The following ATP8B4 variants were observed in gnomAD, a reference collection of about 807,000 sequenced individuals.
ATP8B4 encodes ATPase phospholipid transporting 8B4 (putative).
In ATP8B4, 133 loss-of-function variants were observed where a neutral mutation model predicts 145.6. That is an observed-to-expected ratio of 0.91 (90% CI 0.79 to 1.05). The LOEUF is 1.05. Among genes scored for constraint, ATP8B4 ranks in the 50% least tolerant of loss-of-function variants. The pLI, the probability that ATP8B4 is intolerant of heterozygous loss-of-function variation, is 0.00. For synonymous variants in ATP8B4, 507 were observed against 492.9 expected, an observed-to-expected ratio of 1.03 and a Z score of -0.38; for missense variants, 1,458 against 1,425.2, an observed-to-expected ratio of 1.02 and a Z score of -0.37.
intron 6 of ATP8B4, among the ~76,000 whole-genome samples, chr15:50,013,481 T>C (rs1233266565): frequency 6.6e-6 from 1 of 152,158 alleles, no homozygotes; most frequent in African/African-American, 2.4e-5. Context: ...TTTTAAAATG[T>C]GGCTCAATTT....
chr15:49,919,319 G>A (rs901738034), intron 18 of ATP8B4, among the ~76,000 whole-genome samples: 1 of 152,166 alleles, frequency 6.6e-6, no homozygotes, highest in African/African-American at 2.4e-5. Flanking sequence ...CCCATAGTCA[G>A]GAAGCTGATC....
At chr15:49,979,894 C>T (rs2046006209) in intron 11 of ATP8B4, 81 bp from the exon 12 acceptor site, 10 of 971,948 alleles carry the variant, frequency 1.0e-5, no homozygotes, top group Non-Finnish European at 1.3e-5. Flanking sequence ...ACGCATCTAA[C>T]TCCAAGAAAT....
intron 12 of ATP8B4, among the ~76,000 whole-genome samples, chr15:49,975,861 C>T (rs928765827): frequency 5.9e-5 from 9 of 151,986 alleles, no homozygotes; most frequent in African/African-American, 1.4e-4. Context: ...TTCAGTTTCA[C>T]GTCTTTGTAA....
At chr15:50,113,699 C>T (rs535550550) in intron 1 of ATP8B4, among the ~76,000 whole-genome samples, 79 of 151,866 alleles carry the variant, frequency 5.2e-4, no homozygotes, top group African/African-American at 9.2e-4. Flanking sequence ...ATTAGCTGGG[C>T]GTGGTGGCAC....
chr15:49,908,118 C>T (rs1231949477), intron 20 of ATP8B4: 1 of 455,982 alleles, frequency 2.2e-6, no homozygotes, highest in East Asian at 7.0e-5. Flanking sequence ...TTCTTAAGAA[C>T]AAAATGAGGT....
intron 16 of ATP8B4, among the ~76,000 whole-genome samples, chr15:49,925,161 T>A (rs2040602650): frequency 6.6e-6 from 1 of 152,146 alleles, no homozygotes; most frequent in Non-Finnish European, 1.5e-5. Context: ...AATTTTATTA[T>A]ATCAGTTTTA....
At chr15:49,967,350 A>G (rs528439357) in intron 13 of ATP8B4, among the ~76,000 whole-genome samples, 6 of 152,200 alleles carry the variant, frequency 3.9e-5, no homozygotes, top group Non-Finnish European at 4.4e-5. Context: ...TTCTAACCCA[A>G]TGCAAGGAAG....
intron 1 of ATP8B4, among the ~76,000 whole-genome samples, chr15:50,172,363 C>G (rs899421153): frequency 6.6e-6 from 1 of 152,282 alleles, no homozygotes; most frequent in African/African-American, 2.4e-5. Flanking sequence ...GGGCTGGTCT[C>G]CAGCTCCTGA....
intron 14 of ATP8B4, among the ~76,000 whole-genome samples, chr15:49,943,555 A>G (rs73398818): frequency 0.023 from 3,512 of 152,258 alleles, 136 homozygotes; most frequent in African/African-American, 0.082. Context: ...TCCAGGAGGG[A>G]GTGGGACAAT....
intron 3 of ATP8B4, among the ~76,000 whole-genome samples, chr15:50,073,774 T>G (rs1340902542): frequency 6.6e-6 from 1 of 152,186 alleles, no homozygotes; most frequent in Non-Finnish European, 1.5e-5. Flanking sequence ...AACCACTAGC[T>G]AACGTCACTA....
In ATP8B4 at chr15:49,897,515, C is replaced by G; in HGVS notation, c.2474G>C (p.Ser825Thr). ...GCTGATGCCAACACCAATGTGAGCA[C>G]CTACAAAGGAAAGAGGAACACTGTC... Reference protein sequence around the residue: ...DGANDVSMIKSAHIGVGISGQ... With the variant: ...DGANDVSMIKTAHIGVGISGQ... The change falls in exon 23 of 28, where the codon AGT becomes ACT. Residue 825 changes from serine (S) to threonine (T), a missense_variant and splice_region_variant. Transcript: ENST00000284509. 1 of 1,525,650 alleles carries G rather than the reference C, an allele frequency of 6.6e-7. No homozygotes were observed. 94.5% of individuals were successfully genotyped at this position (1,525,650 alleles called of 1,614,324 possible).
At chr15:49,911,966 A>G (rs1446328974) in intron 20 of ATP8B4, among the ~76,000 whole-genome samples, 1 of 152,190 alleles carries the variant, frequency 6.6e-6, no homozygotes, top group African/African-American at 2.4e-5. Flanking sequence ...ATGAAAATGA[A>G]AAGATTTCCT....
chr15:50,088,359 A>C (rs1209118315), intron 2 of ATP8B4, among the ~76,000 whole-genome samples: 1 of 151,894 alleles, frequency 6.6e-6, no homozygotes, highest in African/African-American at 2.4e-5. Context: ...AAAAAAACAA[A>C]AAACAAACAA....
intron 6 of ATP8B4, among the ~76,000 whole-genome samples, chr15:50,034,261 A>ATATTTTTT (rs2050667171): frequency 7.7e-6 from 1 of 129,384 alleles, no homozygotes; most frequent in African/African-American, 3.0e-5. Flanking sequence ...AAAGAGTTTC[A>ATATTTTTT]CTCTTGTCAC....
intron 7 of ATP8B4, among the ~76,000 whole-genome samples, chr15:50,006,357 A>G (rs1157969134): frequency 2.0e-5 from 3 of 151,898 alleles, no homozygotes; most frequent in African/African-American, 7.2e-5. Context: ...ACAAATAGAT[A>G]TATATCAGAG....
At chr15:49,906,343 AGTTT>A (rs2038622510) in intron 20 of ATP8B4, among the ~76,000 whole-genome samples, 1 of 152,200 alleles carries the variant, frequency 6.6e-6, no homozygotes, top group African/African-American at 2.4e-5. Context: ...TCCTCTAGGG[AGTTT>A]CTATCAACTT....
intron 1 of ATP8B4, among the ~76,000 whole-genome samples, chr15:50,177,072 T>C (rs2044774456): frequency 6.6e-6 from 1 of 152,164 alleles, no homozygotes; most frequent in Non-Finnish European, 1.5e-5. Flanking sequence ...TTTCAAGAAA[T>C]GTGATTAACT....
chr15:49,869,351 G>A (rs771779198), intron 25 of ATP8B4, among the ~76,000 whole-genome samples: 1 of 151,876 alleles, frequency 6.6e-6, no homozygotes, highest in Non-Finnish European at 1.5e-5. Flanking sequence ...TAATAAAAAT[G>A]AGTAGCTTAA....
In ATP8B4 at chr15:50,173,714, T is replaced by TA. The variant is rs925531521; in HGVS notation, c.-43+8546dup. ...ATGATCAATAAATACTAAAAAAATTTAAAAAAAAAAGAATTGGTAGCAATC... is the reference window on the plus strand; with the variant it reads ...ATGATCAATAAATACTAAAAAAATTTAAAAAAAAAAAGAATTGGTAGCAATC... On this transcript the variant is annotated intron_variant, in intron 1 of 3. Coordinates refer to the ATP8B4 transcript ENST00000558829. 3.7e-3 allele frequency among the ~76,000 whole-genome samples: 544 copies of TA among 147,812 alleles called. 2 individuals are homozygous for TA. Among genetic ancestry groups the TA allele is most frequent in the African/African-American group, 0.012 (500 of 40,378 alleles).
Sources: allele counts gnomAD v4.1 joint callset (sites outside exome capture counted in the v4.1 genomes callset), GRCh38; gene constraint gnomAD v4.1.1; transcripts MANE v1.5; gene names NCBI Gene and HGNC (gene_info 2026-07-23, HGNC 2026-07-21).